SSUH2: variants seen among roughly 807,000 people sequenced by gnomAD.
The protein encoded by SSUH2 is ssu-2 homolog.
A neutral mutation model predicts 55.3 loss-of-function variants in SSUH2; 47 were observed. The observed-to-expected ratio is 0.85, with a 90% CI of 0.67 to 1.08. The LOEUF (loss-of-function observed/expected upper bound fraction) is 1.08, where lower values mean the gene tolerates loss of function less well. Among genes scored for constraint, SSUH2 ranks in the 50% least tolerant of loss-of-function variants. The pLI, the probability that SSUH2 is intolerant of heterozygous loss-of-function variation, is 0.00. For missense variants in SSUH2, 535 were observed against 490.7 expected, an observed-to-expected ratio of 1.09 and a Z score of -0.85; for synonymous variants, 212 against 191.5, an observed-to-expected ratio of 1.11 and a Z score of -0.89.
upstream of SSUH2, among the ~76,000 whole-genome samples, chr3:8,649,021 G>T (rs1167451569): frequency 2.0e-5 from 3 of 151,958 alleles, no homozygotes; most frequent in Non-Finnish European, 2.9e-5. Flanking sequence ...CTTCATTCAG[G>T]GCAGCTCTGA....
chr3:8,669,514 TAAG>T lies in SSUH2; in HGVS notation c.-455+1481_-455+1483del, dbSNP rs573369959. 6.0e-3 allele frequency among the ~76,000 whole-genome samples: 914 copies of T among 152,236 alleles called. 3 individuals carry two copies. Among genetic ancestry groups the T allele is most frequent in the Non-Finnish European group, 0.011 (749 of 68,024 alleles). On this transcript the variant is annotated intron_variant, in intron 5 of 18. Transcript: ENST00000317371. ...AAAAGTTTGACAAGATATAGGATAC[TAAG>T]AAGAAAAGGGATAAGAAGAAAGAAC...
chr3:8,633,900 T>G (rs766072830), intron 3 of SSUH2, 105 bp from the exon 4 acceptor site: 4 of 1,613,888 alleles, frequency 2.5e-6, no homozygotes, highest in Non-Finnish European at 3.4e-6. Flanking sequence ...GAGGCCACGG[T>G]AGTGGTAAAG....
At position 8,679,070 on chromosome 3, in the gene SSUH2, G is replaced by C. The variant is rs578166735; in HGVS notation, c.-901+635C>G. Among the ~76,000 whole-genome samples the C allele has an allele frequency of 1.1e-4, 12 of 107,216 alleles. 3 individuals carry two copies. The highest frequency in any genetic ancestry group is 7.3e-4 in the Admixed American group (8 of 11,006). The allele number at this position is 107,216 out of a possible 152,430, so 70.3% of individuals were successfully genotyped here. Reference sequence around the variant, plus strand: ...ACGCAGGGGAGGAAGCACCCCCCGCGAGGCGGGGACTGAGAGCAAGCACCT... The same window carrying C: ...ACGCAGGGGAGGAAGCACCCCCCGCCAGGCGGGGACTGAGAGCAAGCACCT... On this transcript the variant is annotated intron_variant, in intron 2 of 18. Transcript: ENST00000317371.
At chr3:8,642,684 G>A (rs1701057386) in intron 1 of SSUH2, among the ~76,000 whole-genome samples, 1 of 152,196 alleles carries the variant, frequency 6.6e-6, no homozygotes, top group Non-Finnish European at 1.5e-5. Flanking sequence ...TTCTCCCCCT[G>A]AAGTCACTCA....
chr3:8,681,578 G>A (rs1284768435), intron 1 of SSUH2, among the ~76,000 whole-genome samples: 2 of 148,776 alleles, frequency 1.3e-5, no homozygotes, highest in South Asian at 2.1e-4. Context: ...CCAACGAAGC[G>A]GGGACTGAGA....
chr3:8,680,022 G>A (rs1019791540), intron 1 of SSUH2, among the ~76,000 whole-genome samples: 4 of 152,058 alleles, frequency 2.6e-5, no homozygotes, highest in African/African-American at 9.7e-5. Flanking sequence ...TGAGTTAAGG[G>A]AAAAACTTCC....
At chr3:8,668,746 G>C (rs1276954432) in intron 5 of SSUH2, among the ~76,000 whole-genome samples, 3 of 152,066 alleles carry the variant, frequency 2.0e-5, no homozygotes, top group Non-Finnish European at 1.5e-5. Context: ...GTGAAGTTTG[G>C]GCAGCACTCA....
chr3:8,624,022 C>T (rs1392048404), intron 10 of SSUH2, among the ~76,000 whole-genome samples: 3 of 152,158 alleles, frequency 2.0e-5, no homozygotes, highest in Admixed American at 6.5e-5. Flanking sequence ...ACATTCAAAC[C>T]GCCCTCTAAG....
Position 8,635,741 on chromosome 3 carries a change from A to T in SSUH2, c.127+18T>A, listed in dbSNP as rs1699822914. The T allele has an allele frequency of 1.3e-6, 2 of 1,531,480 alleles. No individual in the cohort carries two copies. Among genetic ancestry groups the T allele is most frequent in the Admixed American group, 2.0e-5 (1 of 50,586 alleles). The allele number at this position is 1,531,480 out of a possible 1,614,324, so 94.9% of individuals were successfully genotyped here. A position where few individuals can be genotyped will look rare whatever the true frequency, so the allele number is the denominator to read the frequency against. On this transcript the variant is annotated intron_variant, in intron 2 of 11. Coordinates refer to ENST00000544814, the MANE Select transcript of SSUH2 (RefSeq NM_001256748.3). Reference sequence around the variant, plus strand: ...CCCTAGGTAGAAGCCCAAAGAACCAAGCCCTCTTGGAACTTACTGCCCCCT... The same window carrying T: ...CCCTAGGTAGAAGCCCAAAGAACCATGCCCTCTTGGAACTTACTGCCCCCT...
At position 8,635,762 on chromosome 3, in the gene SSUH2, C is replaced by G; in HGVS notation, c.124G>C (p.Gly42Arg). 1 of 1,535,362 alleles carries G rather than the reference C, an allele frequency of 6.5e-7. No individual in the cohort carries two copies. Among genetic ancestry groups the G allele is most frequent in the Non-Finnish European group, 8.7e-7 (1 of 1,146,544 alleles). Residue 42 changes from glycine to arginine, a missense_variant, in exon 2 of 12, where the codon GGC (glycine) becomes CGC (arginine). Gly to Arg is a moderately radical substitution (Grantham distance 125, BLOSUM62 -2). Transcript: ENST00000544814. ...LPSYDWLLQG[G>R]RGQIFFPPLE... ...ACCAAGCCCTCTTGGAACTTACTGCCCCCTTGAAGAAGCCAGTCATAGCTG... is the reference window on the plus strand; with the variant it reads ...ACCAAGCCCTCTTGGAACTTACTGCGCCCTTGAAGAAGCCAGTCATAGCTG...
intron 5 of SSUH2, among the ~76,000 whole-genome samples, chr3:8,670,277 C>T (rs11916523): frequency 0.48 from 73,234 of 151,948 alleles, 18,393 homozygotes; most frequent in East Asian, 0.61. Context: ...GCCGACCTTA[C>T]AGATCACGTC....
At chr3:8,626,050 C>T (rs1263716181) in intron 9 of SSUH2, among the ~76,000 whole-genome samples, 179 bp downstream of exon 9, 1 of 152,164 alleles carries the variant, frequency 6.6e-6, no homozygotes, top group Non-Finnish European at 1.5e-5. Context: ...GTTCTAAAGC[C>T]AGTCAGCATC....
Position 8,652,282 on chromosome 3 carries a change from A to C in SSUH2, c.-307+6643T>G, listed in dbSNP as rs143250001. Among the ~76,000 whole-genome samples, 541 of 152,266 alleles carry C rather than the reference A, an allele frequency of 3.6e-3. 5 individuals carry two copies. Among genetic ancestry groups the C allele is most frequent in the African/African-American group, 8.6e-3 (359 of 41,558 alleles). On this transcript the variant is annotated intron_variant, in intron 7 of 18. Coordinates refer to the SSUH2 transcript ENST00000317371. ...CTGCACCTGTACCACAATCTCCCCC[A>C]GTCCCAGGGTCTCAGGTGCTCTGTG...
chr3:8,641,240 T>C (rs1172067888), intron 1 of SSUH2, among the ~76,000 whole-genome samples: 2 of 152,216 alleles, frequency 1.3e-5, no homozygotes, highest in Non-Finnish European at 2.9e-5. Flanking sequence ...TTGTAAAAGG[T>C]CCATGTGGGG....
chr3:8,675,299 C>T (rs1705113193), intron 3 of SSUH2, among the ~76,000 whole-genome samples: 1 of 152,200 alleles, frequency 6.6e-6, no homozygotes, highest in Non-Finnish European at 1.5e-5. Flanking sequence ...ACTCAGTACA[C>T]TTGGACCGGG....
intron 5 of SSUH2, among the ~76,000 whole-genome samples, chr3:8,664,160 C>T (rs1005576992): frequency 3.3e-5 from 5 of 152,166 alleles, no homozygotes; most frequent in South Asian, 2.1e-4. Context: ...GAGAGGAAGA[C>T]GGGGAGCCCA....
chr3:8,676,774 C>G (rs908973409), intron 3 of SSUH2, among the ~76,000 whole-genome samples: 3 of 148,290 alleles, frequency 2.0e-5, no homozygotes, highest in African/African-American at 7.8e-5. Context: ...GATCTCAGGA[C>G]CTCATCGCAG....
At chr3:8,622,356 C>T (rs1289618980) in intron 11 of SSUH2, among the ~76,000 whole-genome samples, 2 of 152,200 alleles carry the variant, frequency 1.3e-5, no homozygotes, top group Non-Finnish European at 2.9e-5. Flanking sequence ...GGCAGGGCCT[C>T]AGGAGACCTG....
At chr3:8,629,378 C>T (rs1419586481) in intron 7 of SSUH2, 1 of 445,384 alleles carries the variant, frequency 2.2e-6, no homozygotes, top group Non-Finnish European at 4.0e-6. Context: ...CTTACAGGAC[C>T]TAGAGGTCAG....
Sources: allele counts gnomAD v4.1 joint callset (sites outside exome capture counted in the v4.1 genomes callset), GRCh38; gene constraint gnomAD v4.1.1; transcripts MANE v1.5; gene names NCBI Gene and HGNC (gene_info 2026-07-23, HGNC 2026-07-21).